The following SEPTIN9 variants were observed in gnomAD, a reference collection of about 807,000 sequenced individuals.
SEPTIN9 encodes the protein septin 9, also known as septin-9.
In SEPTIN9, 13 loss-of-function variants were observed where a neutral mutation model predicts 56.6. The ratio of observed to expected loss-of-function variants is 0.23; its 90% CI spans 0.15 to 0.37. The LOEUF is 0.37. SEPTIN9 is among the 10% of genes least tolerant of loss of function. The pLI, the probability that SEPTIN9 is intolerant of heterozygous loss-of-function variation, is 1.00. For synonymous variants in SEPTIN9, 332 were observed against 334.1 expected (o/e 0.99, Z 0.07); for missense variants, 650 against 823.1 (o/e 0.79, Z 2.57).
intron 2 of SEPTIN9, among the ~76,000 whole-genome samples, chr17:77,351,593 C>G (rs1180924420): frequency 6.6e-6 from 1 of 152,190 alleles, no homozygotes; most frequent in African/African-American, 2.4e-5. Flanking sequence ...GAAGGCTGAC[C>G]TCAGAGGCGG....
In SEPTIN9 at chr17:77,475,396, G is replaced by A. The variant is rs368249142; in HGVS notation, c.722-6748G>A. ...CCCAGGGAGATAGGAGAGGAGGAGG[G>A]AGCAGCCCTGGCCGGACACTGTCCT... On this transcript the variant is annotated intron_variant, in intron 3 of 11. Coordinates refer to ENST00000427177, the MANE Select transcript of SEPTIN9 (RefSeq NM_001113491.2). The surrounding 1 kb of genome is among the most constrained non-coding windows in gnomAD (Gnocchi z 4.6). The A allele has an allele frequency of 3.2e-4, 461 of 1,447,816 alleles. 5 individuals carry two copies. In the South Asian group the frequency reaches 4.3e-3, roughly 14 times the overall value. 89.7% of individuals were successfully genotyped at this position (1,447,816 alleles called of 1,614,324 possible).
chr17:77,324,819 AT>A (rs71160225), intron 2 of SEPTIN9, among the ~76,000 whole-genome samples: 1,664 of 130,282 alleles, frequency 0.013, 34 homozygotes, highest in African/African-American at 0.045. Context: ...TTGATATGCA[AT>A]TTTTTTTTTT....
chr17:77,358,993 C>T (rs547892606), intron 2 of SEPTIN9, among the ~76,000 whole-genome samples: 5 of 152,316 alleles, frequency 3.3e-5, no homozygotes, highest in Non-Finnish European at 7.4e-5. Context: ...ACACAGCTTC[C>T]ATCTCTTGAG....
chr17:77,479,045 A>C (rs886583059), intron 3 of SEPTIN9, among the ~76,000 whole-genome samples: 1 of 152,174 alleles, frequency 6.6e-6, no homozygotes, highest in African/African-American at 2.4e-5. Context: ...GGAGTTGTTT[A>C]ATGAGGACAG....
intron 2 of SEPTIN9, chr17:77,373,621 GGACGGGGGTGCGCTGAGGGGA>G: frequency 6.6e-7 from 1 of 1,524,200 alleles, no homozygotes; most frequent in Non-Finnish European, 8.8e-7. Flanking sequence ...GCCTGGCGCG[GGACGGGGGTGCGCTGAGGGGA>G]GACGGGAGTG....
In SEPTIN9 at chr17:77,499,316, G is replaced by T. The variant is rs1027565294; in HGVS notation, c.*658G>T. ...TATCTCAGCCATCCGCAGACTGCTT[G>T]GCCAGATGCGGGGACAGGCTGGAAT... On this transcript the variant is annotated 3_prime_UTR_variant, in exon 12 of 12. Transcript: ENST00000427177. 2 of 596,508 alleles carry T rather than the reference G, an allele frequency of 3.4e-6. No homozygotes were observed. Among genetic ancestry groups the T allele is most frequent in the African/African-American group, 3.6e-5 (2 of 55,724 alleles). 37.0% of individuals were successfully genotyped at this position (596,508 alleles called of 1,614,324 possible).
chr17:77,499,772 C>A lies in SEPTIN9; in HGVS notation c.*1114C>A. 2.8e-6 allele frequency: 1 copy of A among 355,292 alleles called. No individual in the cohort carries two copies. Among genetic ancestry groups the A allele is most frequent in the Non-Finnish European group, 5.3e-6 (1 of 190,446 alleles). The allele number at this position is 355,292 out of a possible 1,614,324, so 22.0% of individuals were successfully genotyped here. A position where few individuals can be genotyped will look rare whatever the true frequency, so the allele number is the denominator to read the frequency against. ...GCCACTCACCCTTCCTGGCCCAGGCCTTGCTGACTCTCTGAGCTGGGGAGG... is the reference window on the plus strand; with the variant it reads ...GCCACTCACCCTTCCTGGCCCAGGCATTGCTGACTCTCTGAGCTGGGGAGG... On this transcript the variant is annotated 3_prime_UTR_variant, in exon 12 of 12. Coordinates refer to ENST00000427177, the MANE Select transcript of SEPTIN9 (RefSeq NM_001113491.2).
intron 3 of SEPTIN9, among the ~76,000 whole-genome samples, chr17:77,465,889 G>A (rs1272826791): frequency 6.6e-6 from 1 of 152,034 alleles, no homozygotes; most frequent in Non-Finnish European, 1.5e-5. Flanking sequence ...GAGGCTGGGG[G>A]AAGTGACTTT....
At chr17:77,332,006 T>TA in intron 2 of SEPTIN9, among the ~76,000 whole-genome samples, 4 of 152,216 alleles carry the variant, frequency 2.6e-5, no homozygotes, top group Non-Finnish European at 4.4e-5. Flanking sequence ...CTGAGTGTGG[T>TA]GGCTCATGAC....
chr17:77,407,739 G>A (rs1274844420), intron 3 of SEPTIN9, among the ~76,000 whole-genome samples: 1 of 152,232 alleles, frequency 6.6e-6, no homozygotes, highest in Non-Finnish European at 1.5e-5. Context: ...CCGAGGCTCT[G>A]GCCCTGCCCC....
chr17:77,369,558 G>A lies in SEPTIN9; in HGVS notation c.77-32501G>A, dbSNP rs145409770. Among the ~76,000 whole-genome samples the A allele has an allele frequency of 0.013, 1,932 of 152,318 alleles. 21 individuals are homozygous for A. Among genetic ancestry groups the A allele is most frequent in the South Asian group, 0.047 (225 of 4,814 alleles). ...AGGGGCTGTGGGAACTTGAGGGGCT[G>A]TGGAAGGCTCTGCCACTGACGGACC... On this transcript the variant is annotated intron_variant, in intron 2 of 11. Transcript: ENST00000427177. The surrounding 1 kb of genome is among the most constrained non-coding windows in gnomAD (Gnocchi z 4.9).
At position 77,432,701 on chromosome 17, in the gene SEPTIN9, C is replaced by T. The variant is rs561953653; in HGVS notation, c.721+29998C>T. ...TGTGAGGCCCTGGAAATGGTGCCTGCGGCACTCACGCAGCATTAGCTTTTG... is the reference window on the plus strand; with the variant it reads ...TGTGAGGCCCTGGAAATGGTGCCTGTGGCACTCACGCAGCATTAGCTTTTG... On this transcript the variant is annotated intron_variant, in intron 3 of 11. Coordinates refer to ENST00000427177, the MANE Select transcript of SEPTIN9 (RefSeq NM_001113491.2). 1.1e-4 allele frequency among the ~76,000 whole-genome samples: 16 copies of T among 152,338 alleles called. 1 individual carries two copies. The South Asian group carries it at 1.7e-3, about 16-fold the overall frequency.
rs11654929 is a variant in SEPTIN9, at chr17:77,313,269, A to G, written c.76+6072A>G. 0.76 allele frequency among the ~76,000 whole-genome samples: 115,114 copies of G among 152,162 alleles called. 43,529 individuals are homozygous for G. Among genetic ancestry groups the G allele is most frequent in the Middle Eastern group, 0.85 (251 of 294 alleles). ...TCCAGCTCCTGTCAGGCTACAGCCC[A>G]GATGGTTGGCTGAGCACGAGCATGT... On this transcript the variant is annotated intron_variant, in intron 2 of 11. Transcript: ENST00000427177. This position sits in a 1 kb window ranked among gnomAD's most constrained non-coding sequence, Gnocchi z 4.5.
At chr17:77,338,992 A>G (rs1301953530) in intron 2 of SEPTIN9, among the ~76,000 whole-genome samples, 2 of 151,968 alleles carry the variant, frequency 1.3e-5, no homozygotes, top group East Asian at 1.9e-4. Context: ...ATAAGAAGCA[A>G]CTCCTCATCT....
rs555658486 is a variant in SEPTIN9 at position 77,293,831 on chromosome 17, C to T, written c.19+12277C>T. 7.3e-4 allele frequency among the ~76,000 whole-genome samples: 111 copies of T among 152,214 alleles called. 1 individual carries two copies. The highest frequency in any genetic ancestry group is 2.6e-3 in the African/African-American group (110 of 41,534). On this transcript the variant is annotated intron_variant, in intron 1 of 11. Coordinates refer to ENST00000427177, the MANE Select transcript of SEPTIN9 (RefSeq NM_001113491.2). ...AACAGAAAACTGATCAGGCTGGACA[C>T]AGTGGCTCGTGCCTGTAATCCCAGC...
At chr17:77,413,940 CTTTTTTT>C (rs202194441) in intron 3 of SEPTIN9, among the ~76,000 whole-genome samples, 142 of 125,766 alleles carry the variant, frequency 1.1e-3, no homozygotes, top group Admixed American at 3.5e-3. Flanking sequence ...TCAGTATTTT[CTTTTTTT>C]TTTTTTTTTT....
intron 2 of SEPTIN9, among the ~76,000 whole-genome samples, chr17:77,379,374 G>A (rs1375643834): frequency 1.3e-5 from 2 of 152,074 alleles, no homozygotes; most frequent in Non-Finnish European, 2.9e-5. Context: ...GGCTGTCTTG[G>A]TGGTGGAGAG....
rs932701097 is a variant in SEPTIN9, at chr17:77,435,186, A to T, written c.721+32483A>T. ...AACCTGCCCAAGCCTCCCTCTGAGC[A>T]TGGCAGAGGGAGGGTCCGAATGCGG... On this transcript the variant is annotated intron_variant, in intron 3 of 11. Coordinates refer to ENST00000427177, the MANE Select transcript of SEPTIN9 (RefSeq NM_001113491.2). This position sits in a 1 kb window ranked among gnomAD's most constrained non-coding sequence, Gnocchi z 4.5. Among the ~76,000 whole-genome samples, 1 of 152,188 alleles carries T rather than the reference A, an allele frequency of 6.6e-6. No homozygotes were observed. Among genetic ancestry groups the T allele is most frequent in the African/African-American group, 2.4e-5 (1 of 41,440 alleles).
chr17:77,487,984 G>A lies in SEPTIN9; in HGVS notation c.1043-256G>A, dbSNP rs563909966. Among the ~76,000 whole-genome samples the A allele has an allele frequency of 2.2e-4, 33 of 152,300 alleles. No homozygotes were observed. Among genetic ancestry groups the A allele is most frequent in the African/African-American group, 5.5e-4 (23 of 41,564 alleles). On this transcript the variant is annotated intron_variant, in intron 5 of 11. Coordinates refer to ENST00000427177, the MANE Select transcript of SEPTIN9 (RefSeq NM_001113491.2). This position sits in a 1 kb window ranked among gnomAD's most constrained non-coding sequence, Gnocchi z 4.3. ...TCTGGCTGTGATGGGTCAGTGTCCC[G>A]GACCCCTGTGGGCCCCGTCACACTG...
Sources: gnomAD v4.1 joint callset for allele counts (sites outside exome capture counted in the v4.1 genomes callset) on GRCh38, gnomAD v4.1.1 for gene constraint, Gnocchi (gnomAD v3.1) non-coding constraint, MANE v1.5 for transcripts, NCBI Gene and HGNC (gene_info 2026-07-23, HGNC 2026-07-21) for gene names.